The following EFHD1 variants were observed in gnomAD, a reference collection of about 807,000 sequenced individuals.
EFHD1 encodes EF-hand domain family member D1.
EFHD1 carries 10 observed loss-of-function variants against 17.2 expected under a neutral mutation model. The observed-to-expected ratio is 0.58, with a 90% CI of 0.36 to 0.99. The LOEUF (loss-of-function observed/expected upper bound fraction) is 0.99. Among genes scored for constraint, EFHD1 ranks in the 50% least tolerant of loss-of-function variants. The probability of loss-of-function intolerance (pLI) is 0.01; values close to 1 mark genes in which losing one functional copy is unlikely to be tolerated. For missense variants in EFHD1, 310 were observed against 327.5 expected (o/e 0.95, Z 0.41); for synonymous variants, 153 against 142.0 (o/e 1.08, Z -0.55).
At chr2:232,655,588 C>T (rs984124778) in intron 1 of EFHD1, among the ~76,000 whole-genome samples, 9 of 152,186 alleles carry the variant, frequency 5.9e-5, no homozygotes, top group African/African-American at 9.7e-5. Context: ...CCCTCCCAGC[C>T]GGTTTGTGCA....
intron 1 of EFHD1, among the ~76,000 whole-genome samples, chr2:232,660,201 TA>T (rs200718752): frequency 0.14 from 9,294 of 68,402 alleles, 338 homozygotes; most frequent in African/African-American, 0.19. Flanking sequence ...TTTATTTATT[TA>T]TTTTTTTTTT....
chr2:232,624,827 C>T (rs908284574), intron 1 of EFHD1, among the ~76,000 whole-genome samples: 6 of 152,272 alleles, frequency 3.9e-5, no homozygotes, highest in Admixed American at 3.3e-4. Context: ...GAGCTCCACG[C>T]TTACAGCCTC....
intron 1 of EFHD1, among the ~76,000 whole-genome samples, chr2:232,634,526 A>C (rs901570356): frequency 6.6e-6 from 1 of 152,150 alleles, no homozygotes; most frequent in Non-Finnish European, 1.5e-5. Context: ...GTTGTAAGAG[A>C]TTCAGGACTT....
chr2:232,679,727 A>C (rs1321764202), intron 3 of EFHD1, among the ~76,000 whole-genome samples: 1 of 151,892 alleles, frequency 6.6e-6, no homozygotes, highest in African/African-American at 2.4e-5. Flanking sequence ...TAAAAAAAAA[A>C]AAAAAAAGGA....
intron 1 of EFHD1, among the ~76,000 whole-genome samples, chr2:232,614,053 T>TGCATAC (rs1693872001): frequency 1.9e-5 from 2 of 108,074 alleles, no homozygotes; most frequent in African/African-American, 6.1e-5. Context: ...AACACACACA[T>TGCATAC]ACATACACAT....
intron 1 of EFHD1, among the ~76,000 whole-genome samples, chr2:232,640,237 A>G (rs1393072152): frequency 1.3e-5 from 2 of 152,138 alleles, no homozygotes; most frequent in African/African-American, 4.8e-5. Flanking sequence ...CCCTGGTCCA[A>G]CTGGTAAACA....
chr2:232,676,789 T>C (rs1695181007), intron 3 of EFHD1, among the ~76,000 whole-genome samples: 1 of 152,084 alleles, frequency 6.6e-6, no homozygotes, highest in African/African-American at 2.4e-5. Context: ...GAAGAAGGTG[T>C]AATCAGAGGT....
At chr2:232,629,588 C>A (rs991055205), upstream of EFHD1, among the ~76,000 whole-genome samples, 8 of 152,008 alleles carry the variant, frequency 5.3e-5, no homozygotes, top group Admixed American at 1.3e-4. Flanking sequence ...TCTGCCTCAG[C>A]CTCCCGAGTA....
intron 1 of EFHD1, among the ~76,000 whole-genome samples, chr2:232,634,433 A>G (rs941529740): frequency 6.6e-6 from 1 of 152,250 alleles, no homozygotes; most frequent in Non-Finnish European, 1.5e-5. Context: ...ATCTTTTAAA[A>G]CAAAAGGGGA....
intron 1 of EFHD1, chr2:232,611,861 G>T (rs1693821320): frequency 6.6e-6 from 1 of 152,248 alleles, no homozygotes; most frequent in African/African-American, 2.4e-5. Flanking sequence ...CCCGACTTGT[G>T]CAGGTTCCCA....
chr2:232,611,491 C>G (rs913228478), intron 1 of EFHD1: 1 of 152,102 alleles, frequency 6.6e-6, no homozygotes, highest in East Asian at 1.9e-4. Flanking sequence ...AATGAAGAAA[C>G]GGGTCAGAGG....
chr2:232,635,571 C>A (rs1694303573), intron 1 of EFHD1, among the ~76,000 whole-genome samples: 1 of 152,158 alleles, frequency 6.6e-6, no homozygotes, highest in African/African-American at 2.4e-5. Context: ...GTAATCCCAG[C>A]ACTCTGGGAG....
chr2:232,681,259 T>C (rs1369558347), intron 3 of EFHD1, among the ~76,000 whole-genome samples: 1 of 152,054 alleles, frequency 6.6e-6, no homozygotes, highest in Admixed American at 6.5e-5. Flanking sequence ...TAGTGTGAAA[T>C]TAAAATAATG....
At chr2:232,662,999 C>T (rs1317589496) in intron 2 of EFHD1, 50 bp downstream of exon 2, 1 of 1,500,294 alleles carries the variant, frequency 6.7e-7, no homozygotes, top group Non-Finnish European at 8.8e-7. Context: ...CCTGAGAGGA[C>T]CTTCAGGTGT....
intron 2 of EFHD1, among the ~76,000 whole-genome samples, chr2:232,666,475 G>A (rs1252546859): frequency 6.6e-6 from 1 of 152,230 alleles, no homozygotes; most frequent in Non-Finnish European, 1.5e-5. Context: ...AACAGGAGCT[G>A]AGAGGGTGTT....
intron 1 of EFHD1, among the ~76,000 whole-genome samples, chr2:232,640,005 C>T (rs573226702): frequency 2.0e-5 from 3 of 152,324 alleles, no homozygotes; most frequent in African/African-American, 7.2e-5. Context: ...CCTCCCAGAA[C>T]ACCCCTCTAT....
At chr2:232,627,036 C>CTCTATATA (rs1242284297) in intron 1 of EFHD1, among the ~76,000 whole-genome samples, 11 of 112,684 alleles carry the variant, frequency 9.8e-5, no homozygotes, top group Non-Finnish European at 1.8e-4. Flanking sequence ...CTCTCTCTCT[C>CTCTATATA]TATATATATA....
At chr2:232,681,211 C>A (rs1214513500) in intron 3 of EFHD1, among the ~76,000 whole-genome samples, 1 of 152,020 alleles carries the variant, frequency 6.6e-6, no homozygotes, top group Non-Finnish European at 1.5e-5. Context: ...TCAGGGGATT[C>A]ATTTTGGTTT....
At chr2:232,667,229 C>T (rs971866636) in intron 2 of EFHD1, among the ~76,000 whole-genome samples, 9 of 152,270 alleles carry the variant, frequency 5.9e-5, no homozygotes, top group South Asian at 2.1e-4. Context: ...CTGGGCCGCC[C>T]GCCTGCCTGG....
Sources: gnomAD v4.1 joint callset for allele counts (sites outside exome capture counted in the v4.1 genomes callset) on GRCh38, gnomAD v4.1.1 for gene constraint, MANE v1.5 for transcripts, NCBI Gene and HGNC (gene_info 2026-07-23, HGNC 2026-07-21) for gene names.